The following IFT25 variants were observed in gnomAD, a reference collection of about 807,000 sequenced individuals.
IFT25 encodes intraflagellar transport 25.
chr1:53,923,935 G>A, the IFT25 span: 1 of 1,592,392 alleles, frequency 6.3e-7, no homozygotes, highest in Non-Finnish European at 8.6e-7. Flanking sequence ...CTGCCCCTCT[G>A]TGTGTACCAA....
At chr1:53,916,002 T>C in the IFT25 span, among the ~76,000 whole-genome samples, 2 of 152,016 alleles carry the variant, frequency 1.3e-5, no homozygotes, top group South Asian at 2.1e-4. Context: ...CTGGGCAACA[T>C]GGTGAAACCA....
chr1:53,918,072 G>A, the IFT25 span, among the ~76,000 whole-genome samples: 167 of 152,236 alleles, frequency 1.1e-3, no homozygotes, highest in Non-Finnish European at 2.1e-3. Context: ...CTGTGGTAAC[G>A]AGCAATTCCA....
At chr1:53,922,696 G>C in the IFT25 span, among the ~76,000 whole-genome samples, 3 of 152,120 alleles carry the variant, frequency 2.0e-5, no homozygotes, top group South Asian at 4.1e-4. Flanking sequence ...ACTGTGTAAT[G>C]ACAGAGGGAA....
the IFT25 span, chr1:53,939,770 A>G: frequency 4.4e-6 from 2 of 457,196 alleles, no homozygotes; most frequent in Admixed American, 8.8e-5. Flanking sequence ...ATTTGTATCA[A>G]GAGTTCAGTT....
chr1:53,938,830 T>C, the IFT25 span, among the ~76,000 whole-genome samples: 1 of 152,066 alleles, frequency 6.6e-6, no homozygotes, highest in Non-Finnish European at 1.5e-5. Context: ...ATCTCAGCAT[T>C]TTGAGAGGCC....
the IFT25 span, chr1:53,921,609 A>C: frequency 8.7e-7 from 1 of 1,143,968 alleles, no homozygotes. Flanking sequence ...CTTCCTGTTT[A>C]AATATATTGT....
chr1:53,930,134 G>A, the IFT25 span: 9 of 1,549,788 alleles, frequency 5.8e-6, no homozygotes, highest in African/African-American at 1.4e-5. Flanking sequence ...GGTCCAAAAC[G>A]TTTCTGGATT....
the IFT25 span, among the ~76,000 whole-genome samples, chr1:53,935,121 C>T: frequency 6.6e-6 from 1 of 152,300 alleles, no homozygotes; most frequent in Non-Finnish European, 1.5e-5. Context: ...CAAGACCATC[C>T]TGGCCAACAT....
At chr1:53,928,005 A>G in the IFT25 span, among the ~76,000 whole-genome samples, 1 of 152,196 alleles carries the variant, frequency 6.6e-6, no homozygotes, top group South Asian at 2.1e-4. Context: ...GAGGCTATCA[A>G]TTCTGCTGGT....
the IFT25 span, among the ~76,000 whole-genome samples, chr1:53,920,999 C>T: frequency 1.3e-5 from 2 of 152,034 alleles, no homozygotes; most frequent in Non-Finnish European, 2.9e-5. Context: ...ACGGTGAAAC[C>T]CCTTCTCTAC....
chr1:53,929,743 G>A, the IFT25 span: 1 of 247,448 alleles, frequency 4.0e-6, no homozygotes, highest in South Asian at 1.3e-4. Flanking sequence ...AGGGCCTTTT[G>A]CCAAAGACTT....
At chr1:53,912,410 G>A in the IFT25 span, among the ~76,000 whole-genome samples, 1 of 152,200 alleles carries the variant, frequency 6.6e-6, no homozygotes, top group Non-Finnish European at 1.5e-5. Flanking sequence ...TTGTCCTCCA[G>A]CAGCTTAATC....
chr1:53,940,151 C>T, the IFT25 span: 1 of 898,348 alleles, frequency 1.1e-6, no homozygotes, highest in Non-Finnish European at 1.8e-6. Context: ...TAAACTTTAT[C>T]TGAGAAAACG....
the IFT25 span, chr1:53,928,436 CTGTACTA>C: frequency 6.2e-7 from 1 of 1,609,616 alleles, no homozygotes; most frequent in Non-Finnish European, 8.5e-7. Flanking sequence ...TCTTCAAGGT[CTGTACTA>C]ACATTGTAAA....
chr1:53,941,918 G>A, the IFT25 span, among the ~76,000 whole-genome samples: 1 of 152,176 alleles, frequency 6.6e-6, no homozygotes, highest in Admixed American at 6.5e-5. Flanking sequence ...GGACCCGACA[G>A]AGAAATATGA....
chr1:53,925,136 A>C, the IFT25 span, among the ~76,000 whole-genome samples: 8 of 152,108 alleles, frequency 5.3e-5, no homozygotes, highest in East Asian at 9.7e-4. Flanking sequence ...ATGGTAGGTA[A>C]AATTTTAGCT....
chr1:53,930,058 A>C, the IFT25 span: 2 of 1,566,836 alleles, frequency 1.3e-6, no homozygotes, highest in Non-Finnish European at 1.7e-6. Flanking sequence ...TTTGGATTAC[A>C]AGCCTTTCAA....
the IFT25 span, among the ~76,000 whole-genome samples, chr1:53,941,151 C>T: frequency 1.2e-3 from 176 of 152,028 alleles, 1 homozygote; most frequent in East Asian, 0.025. Flanking sequence ...ACAGCCACCA[C>T]GCCCAGCTAA....
the IFT25 span, among the ~76,000 whole-genome samples, chr1:53,918,390 A>C: frequency 8.1e-4 from 124 of 152,370 alleles, 1 homozygote; most frequent in African/African-American, 2.9e-3. Flanking sequence ...TGATAAAAGT[A>C]GTTACTGTGT....
Sources: gnomAD v4.1 joint callset for allele counts (sites outside exome capture counted in the v4.1 genomes callset) on GRCh38, gnomAD v4.1.1 for gene constraint, MANE v1.5 for transcripts, NCBI Gene and HGNC (gene_info 2026-07-23, HGNC 2026-07-21) for gene names.